The following SASH1 variants were observed in gnomAD, a reference collection of about 807,000 sequenced individuals.
The protein encoded by SASH1 is SAM and SH3 domain containing 1, also known as SAM and SH3 domain-containing protein 1.
Under a neutral mutation model 125.2 loss-of-function variants are expected in SASH1, and 44 were observed. That is an observed-to-expected ratio of 0.35 (90% CI 0.28 to 0.45). The LOEUF (loss-of-function observed/expected upper bound fraction) is 0.45, where lower values mean the gene tolerates loss of function less well. Among genes scored for constraint, SASH1 ranks in the 20% least tolerant of loss-of-function variants. The pLI is 1.00. For synonymous variants in SASH1, 639 were observed against 649.1 expected (o/e 0.98, Z 0.24); for missense variants, 1,426 against 1,614.5 (o/e 0.88, Z 2.00).
chr6:148,261,983 G>A, the SASH1 span, among the ~76,000 whole-genome samples: 1 of 152,128 alleles, frequency 6.6e-6, no homozygotes, highest in Non-Finnish European at 1.5e-5. Context: ...AAGGATGGAA[G>A]AATTGAATCA....
chr6:148,473,068 CT>C (rs1778186811), intron 6 of SASH1, among the ~76,000 whole-genome samples: 1 of 152,124 alleles, frequency 6.6e-6, no homozygotes, highest in Admixed American at 6.5e-5. Flanking sequence ...TCTTTGGAAT[CT>C]AATGGGACAT....
At chr6:148,283,638 G>A (rs1270962213) in intron 1 of SASH1, among the ~76,000 whole-genome samples, 1 of 152,132 alleles carries the variant, frequency 6.6e-6, no homozygotes, top group Non-Finnish European at 1.5e-5. Flanking sequence ...GCTGGGTGTG[G>A]TGGCATGCAC....
At chr6:148,372,953 G>A (rs1035482638) in intron 1 of SASH1, among the ~76,000 whole-genome samples, 3 of 152,170 alleles carry the variant, frequency 2.0e-5, no homozygotes, top group Admixed American at 6.5e-5. Context: ...CCAGCACTTT[G>A]GGAGGACGAG....
chr6:148,357,220 T>G (rs1452400742), intron 1 of SASH1, among the ~76,000 whole-genome samples: 1 of 152,244 alleles, frequency 6.6e-6, no homozygotes, highest in East Asian at 1.9e-4. Flanking sequence ...AACTTCCTGT[T>G]GTTGGCATCC....
intron 1 of SASH1, among the ~76,000 whole-genome samples, chr6:148,334,923 G>A (rs1348950103): frequency 2.7e-5 from 4 of 147,010 alleles, no homozygotes; most frequent in Non-Finnish European, 6.0e-5. Context: ...GCAGTGAGCC[G>A]AGATCACACC....
At chr6:148,530,092 A>G (rs1425016735) in intron 12 of SASH1, among the ~76,000 whole-genome samples, 1 of 152,204 alleles carries the variant, frequency 6.6e-6, no homozygotes, top group Non-Finnish European at 1.5e-5. Flanking sequence ...GGCATGAGCC[A>G]CTGCGCCCAC....
chr6:148,242,277 A>T, the SASH1 span, among the ~76,000 whole-genome samples: 1 of 152,240 alleles, frequency 6.6e-6, no homozygotes, highest in East Asian at 1.9e-4. Flanking sequence ...GTGGGAAAAT[A>T]TGTGAACGAC....
intron 1 of SASH1, among the ~76,000 whole-genome samples, chr6:148,322,523 C>T (rs987161212): frequency 6.6e-6 from 1 of 152,096 alleles, no homozygotes; most frequent in African/African-American, 2.4e-5. Flanking sequence ...TCCTTCAGTC[C>T]GTTGCAATCC....
the SASH1 span, among the ~76,000 whole-genome samples, chr6:148,241,130 T>C: frequency 7.2e-5 from 11 of 152,224 alleles, no homozygotes; most frequent in Non-Finnish European, 1.6e-4. Flanking sequence ...ACCATCAGAT[T>C]CTAGGTACTC....
At chr6:148,435,331 A>G (rs1318277770) in intron 2 of SASH1, among the ~76,000 whole-genome samples, 1 of 149,922 alleles carries the variant, frequency 6.7e-6, no homozygotes, top group East Asian at 2.0e-4. Flanking sequence ...TAAGCCGAAG[A>G]TCGTGCCATT....
rs569149557 is a variant in SASH1, at chr6:148,337,380, C to T, written n.75-52754C>T. 9.2e-5 allele frequency among the ~76,000 whole-genome samples: 14 copies of T among 152,248 alleles called. No individual in the cohort carries two copies. In the East Asian group the frequency reaches 1.4e-3, roughly 15 times the overall value. On this transcript the variant is annotated intron_variant and non_coding_transcript_variant, in intron 1 of 3. Coordinates refer to the SASH1 transcript ENST00000367469. ...CTGGGACTACAGGCGCCCGCCACCA[C>T]GCCTGGCAAATTTTTTTGTATTTTT... is the stretch of plus-strand genomic sequence containing the variant.
At chr6:148,386,145 T>C (rs1401688886) in intron 1 of SASH1, among the ~76,000 whole-genome samples, 2 of 152,012 alleles carry the variant, frequency 1.3e-5, no homozygotes, top group African/African-American at 4.8e-5. Flanking sequence ...TTCTTTGGAG[T>C]GTGGAGGGAG....
intron 8 of SASH1, chr6:148,513,343 G>A: frequency 1.0e-6 from 1 of 985,428 alleles, no homozygotes; most frequent in Non-Finnish European, 1.2e-6. Context: ...CACTGCACAG[G>A]GTGTGCCGAG....
chr6:148,301,050 G>A (rs573426643), intron 1 of SASH1, among the ~76,000 whole-genome samples: 1 of 151,918 alleles, frequency 6.6e-6, no homozygotes, highest in East Asian at 2.0e-4. Context: ...CTCCTCGGCC[G>A]GGCTCGGTGG....
chr6:148,405,109 G>C (rs1239835545), intron 2 of SASH1, among the ~76,000 whole-genome samples: 1 of 151,962 alleles, frequency 6.6e-6, no homozygotes. Flanking sequence ...TCTGCCTCTT[G>C]CCTCTGCTTC....
intron 5 of SASH1, 41 bp from the exon 6 acceptor site, chr6:148,471,376 G>A (rs936240276): frequency 7.9e-6 from 9 of 1,140,186 alleles, no homozygotes; most frequent in Non-Finnish European, 9.5e-6. Flanking sequence ...TATTGCTTGT[G>A]CTTTTTGTTC....
intron 2 of SASH1, among the ~76,000 whole-genome samples, chr6:148,431,390 G>C (rs1776055544): frequency 1.3e-5 from 2 of 151,958 alleles, no homozygotes; most frequent in South Asian, 2.1e-4. Context: ...GAAGAGATAG[G>C]GTTTCACCAT....
the SASH1 span, among the ~76,000 whole-genome samples, chr6:148,238,599 ATG>A: frequency 3.5e-5 from 5 of 142,966 alleles, no homozygotes; most frequent in Admixed American, 1.5e-4. Context: ...CCTGTCCCTA[ATG>A]TGTGTATGTG....
At chr6:148,482,107 ATTTG>A (rs1344579013) in intron 7 of SASH1, among the ~76,000 whole-genome samples, 1 of 152,202 alleles carries the variant, frequency 6.6e-6, no homozygotes, top group African/African-American at 2.4e-5. Flanking sequence ...TATGTGAGTA[ATTTG>A]TTTGTTGGAG....
Sources: allele counts gnomAD v4.1 joint callset (sites outside exome capture counted in the v4.1 genomes callset), GRCh38; gene constraint gnomAD v4.1.1; transcripts MANE v1.5; gene names NCBI Gene and HGNC (gene_info 2026-07-23, HGNC 2026-07-21).